The following C2CD4D variants were observed in gnomAD, a reference collection of about 807,000 sequenced individuals.
C2CD4D encodes the protein C2 calcium dependent domain containing 4D.
In C2CD4D, 1 loss-of-function variant was observed where a neutral mutation model predicts 0.2. That is an observed-to-expected ratio of 4.00 (90% CI 1.42 to 18.99). C2CD4D has a LOEUF of 18.99. C2CD4D is among the 30% of genes most tolerant of loss of function. The pLI, the probability that C2CD4D is intolerant of heterozygous loss-of-function variation, is 0.11. For missense variants in C2CD4D, 552 were observed against 551.2 expected, an observed-to-expected ratio of 1.00 and a Z score of -0.01; for synonymous variants, 269 against 279.8, an observed-to-expected ratio of 0.96 and a Z score of 0.39.
exon 2 of C2CD4D, chr1:151,838,393 G>A: frequency 6.9e-7 from 1 of 1,442,042 alleles, no homozygotes; most frequent in Non-Finnish European, 9.1e-7. Flanking sequence ...GGCAGCACAG[G>A]AAGTCCAGGT....
chr1:151,838,569 C>A (rs1652658645), exon 2 of C2CD4D: 2 of 1,316,332 alleles, frequency 1.5e-6, no homozygotes, highest in Non-Finnish European at 1.9e-6. Flanking sequence ...GAGGCCGTGT[C>A]GCTGTCGGGG....
At chr1:151,838,953 C>T in exon 2 of C2CD4D, 1 of 1,550,124 alleles carries the variant, frequency 6.5e-7, no homozygotes, top group Non-Finnish European at 8.7e-7. Context: ...GGCTCCGCGG[C>T]CCCCACCTTA....
exon 2 of C2CD4D, chr1:151,838,014 C>G (rs1652627876): frequency 1.3e-6 from 2 of 1,551,238 alleles, no homozygotes; most frequent in South Asian, 2.4e-5. Flanking sequence ...AGGGGCGTCT[C>G]GCACTCCCCC....
Position 151,838,631 on chromosome 1 carries a change from G to A in C2CD4D, c.359C>T (p.Ala120Val), listed in dbSNP as rs1164724847. Residue 120 changes from alanine (A) to valine (V), a missense_variant, in exon 2 of 2, where the codon GCG (alanine) becomes GTG (valine). Ala to Val is a moderately conservative substitution (Grantham distance 64, BLOSUM62 0). Transcript: ENST00000454109. ...GGAGACGTGCAGCCGGGACTGCGCC[G>A]CGGGGAGTCCCCCGGCCGGGGCAGG... is the stretch of plus-strand genomic sequence containing the variant. 10 of 1,321,150 alleles carry A rather than the reference G, an allele frequency of 7.6e-6. No individual in the cohort carries two copies. Among genetic ancestry groups the A allele is most frequent in the Non-Finnish European group, 9.6e-6 (10 of 1,041,112 alleles). The allele number at this position is 1,321,150 out of a possible 1,614,324, so 81.8% of individuals were successfully genotyped here. A position where few individuals can be genotyped will look rare whatever the true frequency, so the allele number is the denominator to read the frequency against.
intron 1 of C2CD4D, among the ~76,000 whole-genome samples, 86 bp downstream of exon 1, chr1:151,839,578 G>A (rs1336497089): frequency 2.6e-5 from 4 of 152,078 alleles, no homozygotes; most frequent in Admixed American, 6.5e-5. Context: ...TCTCTGGCCT[G>A]AGCCATCCCT....
rs1432997278 is a variant in C2CD4D, at chr1:151,838,427, CCGGCG to C, written c.558_562del (p.Gly188AlafsTer167). ...GTGGAAGAGCGGCGGCGTGGGCGGC[CCGGCG>C]CGGCGCGGCGAGTGCGGGCTGGTAT... is the stretch of plus-strand genomic sequence containing the variant. On this transcript the variant is annotated frameshift_variant, in exon 2 of 2. Coordinates refer to ENST00000454109, the Ensembl canonical transcript of C2CD4D. LOFTEE classifies it low-confidence loss of function (END_TRUNC). The C allele has an allele frequency of 9.1e-6, 13 of 1,424,712 alleles. No homozygotes were observed. Among genetic ancestry groups the C allele is most frequent in the East Asian group, 3.1e-5 (1 of 32,618 alleles). The allele number at this position is 1,424,712 out of a possible 1,614,324, so 88.3% of individuals were successfully genotyped here.
At chr1:151,838,114 G>A in exon 2 of C2CD4D, 8 of 1,549,594 alleles carry the variant, frequency 5.2e-6, no homozygotes, top group Non-Finnish European at 7.0e-6. Flanking sequence ...CGAGCCCGTC[G>A]AAAAAGAAAT....
chr1:151,838,218 A>G, exon 2 of C2CD4D: 4 of 1,456,990 alleles, frequency 2.7e-6, no homozygotes, highest in Non-Finnish European at 3.6e-6. Context: ...ACCACACAGC[A>G]GCCGCCGCCG....
rs913206234 is a variant in C2CD4D, at chr1:151,838,785, G to T, written c.205C>A (p.Arg69=). 12 of 1,352,180 alleles carry T rather than the reference G, an allele frequency of 8.9e-6. No individual in the cohort carries two copies. In the Admixed American group the frequency reaches 4.5e-4, roughly 51 times the overall value. 83.8% of individuals were successfully genotyped at this position (1,352,180 alleles called of 1,614,324 possible). A position where few individuals can be genotyped will look rare whatever the true frequency, so the allele number is the denominator to read the frequency against. Residue 69 remains arginine, a synonymous_variant, in exon 2 of 2, where the codon CGG becomes AGG. Coordinates refer to ENST00000454109, the Ensembl canonical transcript of C2CD4D. Reference sequence around the variant, plus strand: ...GGGAGGCCGCGCCCCGCCACGTGCCGCCGGGCCGCGGGCACTGCGCCGCCC... The same window carrying T: ...GGGAGGCCGCGCCCCGCCACGTGCCTCCGGGCCGCGGGCACTGCGCCGCCC...
At chr1:151,838,934 C>T (rs1433210852) in exon 2 of C2CD4D, 2 of 1,549,984 alleles carry the variant, frequency 1.3e-6, no homozygotes, top group Non-Finnish European at 8.7e-7. Flanking sequence ...AGGCGCCCAA[C>T]GGGCCGCAGG....
exon 2 of C2CD4D, chr1:151,838,595 A>G: frequency 3.0e-6 from 4 of 1,312,832 alleles, no homozygotes; most frequent in Non-Finnish European, 3.9e-6. Context: ...GCAGAGGCGC[A>G]GGTCCGGGGC....
chr1:151,838,368 G>A, exon 2 of C2CD4D: 1 of 1,432,630 alleles, frequency 7.0e-7, no homozygotes, highest in Non-Finnish European at 9.2e-7. Context: ...ACGCTCTCGC[G>A]CGTGGGCCGC....
At chr1:151,838,345 C>G (rs770667928) in exon 2 of C2CD4D, 6 of 1,419,752 alleles carry the variant, frequency 4.2e-6, no homozygotes, top group Non-Finnish European at 4.6e-6. Flanking sequence ...CGCCGCGGGG[C>G]CCCAGGCGCA....
rs906383488 is a variant in C2CD4D at position 151,838,214 on chromosome 1, C to T, written c.776G>A (p.Cys259Tyr). The change falls in exon 2 of 2, where the codon TGT becomes TAT. Residue 259 changes from cysteine (C) to tyrosine (Y), a missense_variant. By Grantham distance (194) the Cys-to-Tyr change is radical. Transcript: ENST00000454109. ...GCGGGGCCGCAGCCTCAGCACCACA[C>T]AGCAGCCGCCGCCGCCGCTCCCGGG... 2.5e-5 allele frequency: 37 copies of T among 1,467,384 alleles called. No individual in the cohort carries two copies. In the African/African-American group the frequency reaches 4.6e-4, roughly 18 times the overall value. The allele number at this position is 1,467,384 out of a possible 1,614,324, so 90.9% of individuals were successfully genotyped here. A position where few individuals can be genotyped will look rare whatever the true frequency, so the allele number is the denominator to read the frequency against.
exon 2 of C2CD4D, chr1:151,837,860 C>A (rs111836753): frequency 1.4e-6 from 2 of 1,434,666 alleles, no homozygotes; most frequent in Non-Finnish European, 1.8e-6. Flanking sequence ...AAATACAAGC[C>A]GGGCAGGGTG....
chr1:151,838,244 G>A, exon 2 of C2CD4D: 1 of 1,366,616 alleles, frequency 7.3e-7, no homozygotes, highest in Non-Finnish European at 9.4e-7. Context: ...CCCGGGGCGG[G>A]ACCGCGGCCG....
intron 1 of C2CD4D, among the ~76,000 whole-genome samples, 27 bp from the exon 1 acceptor site, chr1:151,839,847 G>C (rs752058284): frequency 2.6e-5 from 4 of 152,128 alleles, no homozygotes; most frequent in Non-Finnish European, 5.9e-5. Context: ...CCGTTGGGTC[G>C]CCCCTCCTAC....
chr1:151,839,226 G>A lies in C2CD4D; in HGVS notation c.-231-6C>T, dbSNP rs1652704702. On this transcript the variant is annotated splice_region_variant and splice_polypyrimidine_tract_variant and intron_variant, in intron 1 of 1. Transcript: ENST00000454109. ...GGGCGGCGCAGTCTGGGGGGCTGGG[G>A]AGAAATGGAGGGAGCAAAGGGCCAG... 1 of 540,832 alleles carries A rather than the reference G, an allele frequency of 1.8e-6. No individual in the cohort carries two copies. The highest frequency in any genetic ancestry group is 3.3e-6 in the Non-Finnish European group (1 of 306,156). The allele number at this position is 540,832 out of a possible 1,614,324, so 33.5% of individuals were successfully genotyped here. A position where few individuals can be genotyped will look rare whatever the true frequency, so the allele number is the denominator to read the frequency against.
At chr1:151,838,809 C>G in exon 2 of C2CD4D, 1 of 1,411,606 alleles carries the variant, frequency 7.1e-7, no homozygotes, top group Non-Finnish European at 9.2e-7. Context: ...ACTGCGCCGC[C>G]CGGGTCCGGG....
Sources: gnomAD v4.1 joint callset for allele counts (sites outside exome capture counted in the v4.1 genomes callset) on GRCh38, gnomAD v4.1.1 for gene constraint, MANE v1.5 for transcripts, NCBI Gene and HGNC (gene_info 2026-07-23, HGNC 2026-07-21) for gene names.